Variants in KLRG1 observed in about 807,000 individuals in gnomAD.
The protein encoded by KLRG1 is killer cell lectin like receptor G1.
KLRG1 carries 16 observed loss-of-function variants against 21.8 expected under a neutral mutation model. That is an observed-to-expected ratio of 0.73 (90% CI 0.50 to 1.11). KLRG1 has a LOEUF of 1.11. Ranked by LOEUF, KLRG1 falls within the 50% of genes most tolerant of loss-of-function variation. The probability of loss-of-function intolerance (pLI) is 0.00; values close to 1 mark genes in which losing one functional copy is unlikely to be tolerated. For synonymous variants in KLRG1, 69 were observed against 75.9 expected (o/e 0.91, Z 0.47); for missense variants, 173 against 218.3 (o/e 0.79, Z 1.31).
At chr12:9,206,440 T>C in the KLRG1 span, among the ~76,000 whole-genome samples, 2 of 152,200 alleles carry the variant, frequency 1.3e-5, no homozygotes, top group Non-Finnish European at 2.9e-5. Flanking sequence ...CAAGATGTCA[T>C]TGGTAGTGAG....
intron 1 of KLRG1, among the ~76,000 whole-genome samples, chr12:8,964,496 A>C (rs1482371367): frequency 1.3e-5 from 2 of 152,216 alleles, no homozygotes; most frequent in African/African-American, 2.4e-5. Context: ...GTGGTGCTGA[A>C]TAGAATGTTT....
the KLRG1 span, among the ~76,000 whole-genome samples, chr12:9,056,619 C>T: frequency 6.6e-6 from 1 of 152,052 alleles, no homozygotes; most frequent in East Asian, 1.9e-4. Context: ...CTCTTTCACT[C>T]ACTGCAGCCT....
chr12:9,039,476 T>G, the KLRG1 span, among the ~76,000 whole-genome samples: 1 of 152,170 alleles, frequency 6.6e-6, no homozygotes, highest in Non-Finnish European at 1.5e-5. Context: ...AAAAACTTTT[T>G]TTTCTGTTCA....
chr12:9,152,792 C>T, the KLRG1 span: 1 of 1,595,616 alleles, frequency 6.3e-7, no homozygotes, highest in East Asian at 2.2e-5. Context: ...GCTTTTGGGC[C>T]AAAGATAGGT....
intron 1 of KLRG1, among the ~76,000 whole-genome samples, chr12:8,963,795 T>C (rs1409925538): frequency 6.6e-6 from 1 of 152,254 alleles, no homozygotes; most frequent in Non-Finnish European, 1.5e-5. Context: ...TTTATCCATT[T>C]CTTCTAGATT....
chr12:9,156,535 G>T, the KLRG1 span, among the ~76,000 whole-genome samples: 2 of 152,202 alleles, frequency 1.3e-5, no homozygotes, highest in East Asian at 3.8e-4. Flanking sequence ...GGGAATTTAG[G>T]GGGTATGGAA....
the KLRG1 span, among the ~76,000 whole-genome samples, chr12:9,187,398 C>T: frequency 1.3e-4 from 20 of 152,290 alleles, no homozygotes; most frequent in East Asian, 2.1e-3. Context: ...CAACTGCACA[C>T]GGCACTACTC....
chr12:9,165,263 G>C, the KLRG1 span: 3 of 1,614,044 alleles, frequency 1.9e-6, no homozygotes, highest in African/African-American at 4.0e-5. Flanking sequence ...AGAGGCAGTG[G>C]AAGAGATACC....
At chr12:9,175,988 G>T in the KLRG1 span, among the ~76,000 whole-genome samples, 1 of 152,018 alleles carries the variant, frequency 6.6e-6, no homozygotes, top group Non-Finnish European at 1.5e-5. Flanking sequence ...AAATTATTCT[G>T]TTATAAAGAT....
At chr12:9,006,121 G>A (rs918586939) in intron 3 of KLRG1, among the ~76,000 whole-genome samples, 2 of 152,140 alleles carry the variant, frequency 1.3e-5, no homozygotes, top group East Asian at 1.9e-4. Context: ...AATAGTAAAT[G>A]TTTGAAGTGA....
At chr12:9,175,327 A>G in the KLRG1 span, among the ~76,000 whole-genome samples, 4 of 152,372 alleles carry the variant, frequency 2.6e-5, no homozygotes, top group Admixed American at 2.6e-4. Flanking sequence ...TGAATTAAAT[A>G]CTTAAATGTG....
chr12:9,073,293 G>C, the KLRG1 span, among the ~76,000 whole-genome samples: 6 of 150,930 alleles, frequency 4.0e-5, no homozygotes, highest in East Asian at 5.8e-4. Flanking sequence ...GCTGAGGTCA[G>C]TGTCCTGGAG....
Position 9,009,720 on chromosome 12 carries a change from A to C in KLRG1, c.*183A>C. ...GCCTAACTGATGGATTCTCTTTGAG[A>C]CTATTTAGATATTATGTGAGCAATT... On this transcript the variant is annotated 3_prime_UTR_variant, in exon 5 of 5. Coordinates refer to ENST00000356986, the MANE Select transcript of KLRG1 (RefSeq NM_005810.4). The C allele has an allele frequency of 7.0e-7, 1 of 1,422,930 alleles. No homozygotes were observed. The allele number at this position is 1,422,930 out of a possible 1,614,324, so 88.1% of individuals were successfully genotyped here. A position where few individuals can be genotyped will look rare whatever the true frequency, so the allele number is the denominator to read the frequency against.
the KLRG1 span, among the ~76,000 whole-genome samples, chr12:9,194,593 T>C: frequency 6.6e-6 from 1 of 151,004 alleles, no homozygotes; most frequent in African/African-American, 2.4e-5. Flanking sequence ...GCCTCCCGAG[T>C]AGCTGGGACT....
chr12:9,121,994 A>G, the KLRG1 span, among the ~76,000 whole-genome samples: 1 of 152,174 alleles, frequency 6.6e-6, no homozygotes, highest in African/African-American at 2.4e-5. This position sits in a 1 kb window ranked among gnomAD's most constrained non-coding sequence, Gnocchi z 4.4. Flanking sequence ...GTTCATGATT[A>G]CTGGTGATGT....
At chr12:9,203,337 CTTTTTTTTTT>C in the KLRG1 span, among the ~76,000 whole-genome samples, 2 of 114,588 alleles carry the variant, frequency 1.7e-5, no homozygotes, top group South Asian at 2.9e-4. Flanking sequence ...AACTACATTC[CTTTTTTTTTT>C]TTTTTTTTTT....
the KLRG1 span, chr12:9,113,681 C>A: frequency 7.3e-6 from 6 of 827,414 alleles, no homozygotes; most frequent in Non-Finnish European, 1.1e-5. Context: ...GAAATTTGGC[C>A]GTTGAAGGCC....
At chr12:9,177,001 T>A in the KLRG1 span, among the ~76,000 whole-genome samples, 1 of 152,182 alleles carries the variant, frequency 6.6e-6, no homozygotes, top group Non-Finnish European at 1.5e-5. Context: ...ATCGAGTATA[T>A]TTTACATGTG....
the KLRG1 span, among the ~76,000 whole-genome samples, chr12:9,056,029 G>C: frequency 6.6e-6 from 1 of 152,206 alleles, no homozygotes; most frequent in East Asian, 1.9e-4. Context: ...AAAAGATGTA[G>C]ATGATTTTGT....
Sources: allele counts gnomAD v4.1 joint callset (sites outside exome capture counted in the v4.1 genomes callset), GRCh38; gene constraint gnomAD v4.1.1; non-coding constraint Gnocchi (gnomAD v3.1); transcripts MANE v1.5; gene names NCBI Gene and HGNC (gene_info 2026-07-23, HGNC 2026-07-21).